The following GRID2 variants were observed in gnomAD, a reference collection of about 807,000 sequenced individuals.
The protein encoded by GRID2 is glutamate ionotropic receptor delta type subunit 2, also known as glutamate receptor ionotropic, delta-2.
Under a neutral mutation model 114.8 loss-of-function variants are expected in GRID2, and 33 were observed. That is an observed-to-expected ratio of 0.29 (90% CI 0.22 to 0.38). The LOEUF (loss-of-function observed/expected upper bound fraction) is 0.38, where lower values mean the gene tolerates loss of function less well. Among genes scored for constraint, GRID2 ranks in the 10% least tolerant of loss-of-function variants. GRID2 has a pLI of 1.00. For missense variants in GRID2, 1,184 were observed against 1,257.7 expected, an observed-to-expected ratio of 0.94 and a Z score of 0.89; for synonymous variants, 505 against 449.9, an observed-to-expected ratio of 1.12 and a Z score of -1.55.
chr4:92,381,983 CT>C (rs1227051269), intron 1 of GRID2, among the ~76,000 whole-genome samples: 1 of 151,546 alleles, frequency 6.6e-6, no homozygotes, highest in Admixed American at 6.6e-5. Context: ...ATTTTTCCCC[CT>C]AAGTGGAAAT....
At chr4:92,946,320 C>T (rs951233589) in intron 2 of GRID2, among the ~76,000 whole-genome samples, 1 of 152,022 alleles carries the variant, frequency 6.6e-6, no homozygotes, top group Admixed American at 6.6e-5. Flanking sequence ...TATTCCTTAG[C>T]CTACTTTTTC....
At chr4:93,094,081 G>C (rs1253811361) in intron 3 of GRID2, among the ~76,000 whole-genome samples, 1 of 151,832 alleles carries the variant, frequency 6.6e-6, no homozygotes, top group Admixed American at 6.6e-5. Context: ...TAGAAAAAAG[G>C]CCTTCCAATA....
intron 1 of GRID2, among the ~76,000 whole-genome samples, chr4:92,318,384 C>A (rs1726121987): frequency 1.4e-5 from 2 of 139,612 alleles, no homozygotes; most frequent in Non-Finnish European, 1.5e-5. Flanking sequence ...TGGTTCAGTT[C>A]ACTTCCACTT....
At chr4:93,511,202 GCTGGGATTACAGACATGAGCCACTGCGC>G (rs768728882) in intron 12 of GRID2, among the ~76,000 whole-genome samples, 5 of 152,132 alleles carry the variant, frequency 3.3e-5, no homozygotes, top group Non-Finnish European at 7.4e-5. Flanking sequence ...CTCCCAAAGT[GCTGGGATTACAGACATGAGCCACTGCGC>G]CTGGCCCCAA....
At chr4:93,569,885 C>T (rs1735777075) in intron 13 of GRID2, among the ~76,000 whole-genome samples, 1 of 152,158 alleles carries the variant, frequency 6.6e-6, no homozygotes, top group African/African-American at 2.4e-5. Flanking sequence ...AATCCCATAT[C>T]CTCCAACACT....
chr4:93,007,095 T>G (rs567544194), intron 2 of GRID2, among the ~76,000 whole-genome samples: 1 of 151,742 alleles, frequency 6.6e-6, no homozygotes, highest in Non-Finnish European at 1.5e-5. Flanking sequence ...AAAAACAAAC[T>G]CAGCAGCAAA....
intron 1 of GRID2, among the ~76,000 whole-genome samples, chr4:92,452,382 A>G (rs1720972736): frequency 6.6e-6 from 1 of 150,850 alleles, no homozygotes; most frequent in Non-Finnish European, 1.5e-5. Flanking sequence ...CAGTGGCACG[A>G]TCTTGGCTCA....
At chr4:93,316,613 A>C (rs910998062) in intron 8 of GRID2, among the ~76,000 whole-genome samples, 2 of 152,176 alleles carry the variant, frequency 1.3e-5, no homozygotes, top group Non-Finnish European at 1.5e-5. Context: ...AAAAGCATTT[A>C]AAGGCAGAAT....
chr4:93,517,792 T>C (rs1241274726), intron 13 of GRID2, among the ~76,000 whole-genome samples: 1 of 151,632 alleles, frequency 6.6e-6, no homozygotes, highest in Non-Finnish European at 1.5e-5. Flanking sequence ...TGTCATTGAT[T>C]TCTAATTTAT....
In GRID2 at chr4:93,110,824, C is replaced by T. The variant is rs776654165; in HGVS notation, c.606C>T (p.Asn202=). The T allele has an allele frequency of 6.2e-7, 1 of 1,611,654 alleles. No individual in the cohort carries two copies. Among genetic ancestry groups the T allele is most frequent in the South Asian group, 1.1e-5 (1 of 91,032 alleles). The part of the protein sequence containing the change: ...GMDVALQKVE[N]NINKMITTLF... ...ATGTTGCACTTCAGAAGGTAGAAAA[C>T]AACATCAATAAAATGATTACCACTC... is the stretch of plus-strand genomic sequence containing the variant. The change falls in exon 4 of 16, where the codon AAC becomes AAT. Residue 202 remains asparagine, a synonymous_variant. Coordinates refer to ENST00000282020, the MANE Select transcript of GRID2 (RefSeq NM_001510.4).
intron 2 of GRID2, among the ~76,000 whole-genome samples, chr4:92,814,605 T>A (rs531630955): frequency 2.2e-4 from 33 of 152,228 alleles, no homozygotes; most frequent in African/African-American, 7.2e-4. Flanking sequence ...TTCAAAGCCA[T>A]CTAAGGGGTG....
At position 93,216,926 on chromosome 4, in the gene GRID2, A is replaced by C. The variant is rs1418629188; in HGVS notation, c.963+15A>C. ...AGAATATGGAGGTATATTATAAATGACAGGATATTTCTTCCAGGGTGCTTT... is the reference window on the plus strand; with the variant it reads ...AGAATATGGAGGTATATTATAAATGCCAGGATATTTCTTCCAGGGTGCTTT... On this transcript the variant is annotated intron_variant, in intron 6 of 15. Transcript: ENST00000282020. 6.3e-7 allele frequency: 1 copy of C among 1,580,678 alleles called. No individual in the cohort carries two copies. The highest frequency in any genetic ancestry group is 1.3e-5 in the African/African-American group (1 of 74,266).
intron 13 of GRID2, among the ~76,000 whole-genome samples, chr4:93,603,597 C>T (rs1739918178): frequency 6.6e-6 from 1 of 152,108 alleles, no homozygotes; most frequent in South Asian, 2.1e-4. Flanking sequence ...ATAAAACAGG[C>T]TTATATTGAA....
At chr4:93,220,318 C>T (rs1401175736) in intron 6 of GRID2, among the ~76,000 whole-genome samples, 1 of 151,690 alleles carries the variant, frequency 6.6e-6, no homozygotes, top group Admixed American at 6.6e-5. Context: ...TGGTGTTTGA[C>T]AAATTTTTAC....
At chr4:92,915,764 G>A (rs1748740165) in intron 2 of GRID2, among the ~76,000 whole-genome samples, 1 of 152,096 alleles carries the variant, frequency 6.6e-6, no homozygotes, top group Non-Finnish European at 1.5e-5. Context: ...CATTCTGTCT[G>A]GTGTGAGATG....
chr4:93,659,855 T>TCCCGGGAGGCGGAGCTTGCAGTGAGCCGA, intron 14 of GRID2, among the ~76,000 whole-genome samples: 4 of 152,192 alleles, frequency 2.6e-5, no homozygotes, highest in African/African-American at 7.2e-5. Context: ...ATATAAGATC[T>TCCCGGGAGGCGGAGCTTGCAGTGAGCCGA]GACCCTTTTG....
At chr4:92,871,129 T>G (rs1357324468) in intron 2 of GRID2, among the ~76,000 whole-genome samples, 2 of 152,148 alleles carry the variant, frequency 1.3e-5, no homozygotes, top group Non-Finnish European at 1.5e-5. Context: ...TACAGATAGA[T>G]AGAAACAAAA....
At chr4:92,734,889 C>A (rs1005712406) in intron 2 of GRID2, among the ~76,000 whole-genome samples, 2 of 151,060 alleles carry the variant, frequency 1.3e-5, no homozygotes, top group Admixed American at 1.3e-4. Flanking sequence ...ATGTGACCCT[C>A]TCAACTCAGC....
chr4:93,178,085 C>CAT (rs1293159196), intron 4 of GRID2, among the ~76,000 whole-genome samples: 1 of 142,648 alleles, frequency 7.0e-6, no homozygotes, highest in Non-Finnish European at 1.5e-5. Context: ...AAAAAAAAAA[C>CAT]ATATAAGCTA....
Sources: gnomAD v4.1 joint callset for allele counts (sites outside exome capture counted in the v4.1 genomes callset) on GRCh38, gnomAD v4.1.1 for gene constraint, MANE v1.5 for transcripts, NCBI Gene and HGNC (gene_info 2026-07-23, HGNC 2026-07-21) for gene names.